The following PCDHGB4 variants were observed in gnomAD, a reference collection of about 807,000 sequenced individuals.
PCDHGB4 encodes protocadherin gamma-B4.
Under a neutral mutation model 60.5 loss-of-function variants are expected in PCDHGB4, and 38 were observed. The observed-to-expected ratio is 0.63, with a 90% CI of 0.48 to 0.82. PCDHGB4 has a LOEUF of 0.82. PCDHGB4 is among the 40% of genes least tolerant of loss of function. PCDHGB4 has a pLI of 0.00. For missense variants in PCDHGB4, 1,109 were observed against 1,209.6 expected (o/e 0.92, Z 1.23); for synonymous variants, 456 against 509.7 (o/e 0.89, Z 1.42).
rs947567666 is a variant in PCDHGB4, at chr5:141,422,270, T to C, written c.2397+31989T>C. ...GATGTGAATGATAACGCTCCAGAAA[T>C]AACTATCACCTCTTCTATTAATTCA... On this transcript the variant is annotated intron_variant, in intron 1 of 3. Transcript: ENST00000519479. 2.6e-6 allele frequency: 4 copies of C among 1,562,452 alleles called. No homozygotes were observed. The East Asian group carries it at 9.0e-5, about 35-fold the overall frequency.
chr5:141,432,172 C>T lies in PCDHGB4; in HGVS notation c.2397+41891C>T, dbSNP rs562175068. ...AGAACAATCCCAGAGGAGTTTCCCT[C>T]GTCTCTGTGACCGCCCACGACCCCG... On this transcript the variant is annotated intron_variant, in intron 1 of 3. Coordinates refer to ENST00000519479, the MANE Select transcript of PCDHGB4 (RefSeq NM_003736.4). This position sits in a 1 kb window ranked among gnomAD's most constrained non-coding sequence, Gnocchi z 6.0. 22 of 1,614,152 alleles carry T rather than the reference C, an allele frequency of 1.4e-5. No individual in the cohort carries two copies. In the Admixed American group the frequency reaches 3.5e-4, roughly 26 times the overall value.
At chr5:141,410,189 G>A in intron 1 of PCDHGB4, 1 of 1,613,992 alleles carries the variant, frequency 6.2e-7, no homozygotes, top group Non-Finnish European at 8.5e-7. Context: ...GCTTCATCTG[G>A]TCTTCGCAGA....
chr5:141,433,837 C>CAAA lies in PCDHGB4; in HGVS notation c.2397+43572_2397+43574dup, dbSNP rs56191208. The stretch of plus-strand genomic sequence containing the variant: ...GGGCAACAAGAGTGAAACTCTATCT[C>CAAA]AAAAAAAAAAAAAAAAAACTTTATC... On this transcript the variant is annotated intron_variant, in intron 1 of 3. Transcript: ENST00000519479. 4.3e-3 allele frequency among the ~76,000 whole-genome samples: 475 copies of CAAA among 111,672 alleles called. 6 individuals carry two copies. The highest frequency in any genetic ancestry group is 0.013 in the African/African-American group (431 of 32,292). The allele number at this position is 111,672 out of a possible 152,430, so 73.3% of individuals were successfully genotyped here.
intron 2 of PCDHGB4, among the ~76,000 whole-genome samples, chr5:141,496,467 TC>T (rs1289225541): frequency 1.3e-5 from 2 of 152,176 alleles, no homozygotes; most frequent in Admixed American, 1.3e-4. Flanking sequence ...GAGTTATCTT[TC>T]CCCCATCCTG....
chr5:141,428,224 G>T, intron 1 of PCDHGB4: 1 of 1,164,316 alleles, frequency 8.6e-7, no homozygotes, highest in Non-Finnish European at 1.3e-6. Context: ...AGTCTTCGCA[G>T]ACAGCCTGCA....
chr5:141,466,674 T>C (rs2099127051), intron 1 of PCDHGB4, among the ~76,000 whole-genome samples: 1 of 152,222 alleles, frequency 6.6e-6, no homozygotes, highest in South Asian at 2.1e-4. Flanking sequence ...TTCACCGTTC[T>C]TCCACTCAAG....
At chr5:141,421,678 G>T in intron 1 of PCDHGB4, 3 of 1,613,892 alleles carry the variant, frequency 1.9e-6, no homozygotes, top group Non-Finnish European at 2.5e-6. Context: ...AATTCCTGGG[G>T]CGCGATTTGC....
At position 141,511,127 on chromosome 5, in the gene PCDHGB4, G is replaced by C; in HGVS notation, c.2726G>C (p.Gly909Ala). 1 of 1,614,194 alleles carries C rather than the reference G, an allele frequency of 6.2e-7. No individual in the cohort carries two copies. Among genetic ancestry groups the C allele is most frequent in the Non-Finnish European group, 8.5e-7 (1 of 1,180,018 alleles). The change falls in exon 4 of 4, where the codon GGT becomes GCT. Residue 909 changes from glycine to alanine, a missense_variant. Coordinates refer to ENST00000519479, the MANE Select transcript of PCDHGB4 (RefSeq NM_003736.4). ...AGKRDGKAPA[G>A]GNGNKKKSGK... ...AAGCGGGATGGCAAGGCCCCAGCAG[G>C]TGGCAATGGCAACAAGAAGAAGTCG...
intron 1 of PCDHGB4, among the ~76,000 whole-genome samples, chr5:141,494,447 G>C (rs1413012155): frequency 6.6e-6 from 1 of 152,118 alleles, no homozygotes. Context: ...GCCACTTTAG[G>C]GGGCTTTGTC....
chr5:141,409,047 G>A, intron 1 of PCDHGB4: 1 of 1,613,982 alleles, frequency 6.2e-7, no homozygotes, highest in Non-Finnish European at 8.5e-7. Context: ...TACTACTTCC[G>A]AAGCACTGCC....
In PCDHGB4 at chr5:141,389,603, C is replaced by A; in HGVS notation, c.1719C>A (p.Phe573Leu). ...PALGPDGSAL[F>L]DMVPHAAEPG... ...TGGGTCCCGACGGCTCTGCGCTCTT[C>A]GATATGGTGCCGCACGCTGCAGAGC... The change falls in exon 1 of 4, where the codon TTC (phenylalanine) becomes TTA (leucine). Residue 573 changes from phenylalanine (F) to leucine (L), a missense_variant. Transcript: ENST00000519479. The A allele has an allele frequency of 6.2e-7, 1 of 1,613,148 alleles. No individual in the cohort carries two copies. The highest frequency in any genetic ancestry group is 8.5e-7 in the Non-Finnish European group (1 of 1,179,802).
chr5:141,403,713 A>C (rs2094445702), intron 1 of PCDHGB4: 3 of 1,613,946 alleles, frequency 1.9e-6, no homozygotes, highest in Non-Finnish European at 2.5e-6. Flanking sequence ...GTCCTTGAGA[A>C]CGTGCCCCCA....
intron 2 of PCDHGB4, among the ~76,000 whole-genome samples, chr5:141,504,354 G>C (rs1349256606): frequency 6.6e-6 from 1 of 152,100 alleles, no homozygotes; most frequent in Non-Finnish European, 1.5e-5. Flanking sequence ...TGTGCTAGGT[G>C]CTTCAGTAGG....
At chr5:141,502,978 G>T (rs1004984942) in intron 2 of PCDHGB4, among the ~76,000 whole-genome samples, 1 of 150,096 alleles carries the variant, frequency 6.7e-6, no homozygotes, top group Non-Finnish European at 1.5e-5. Context: ...CAAGTAGCTG[G>T]GATTACAGGC....
chr5:141,486,598 C>T lies in PCDHGB4; in HGVS notation c.2398-8209C>T. 2 of 1,613,604 alleles carry T rather than the reference C, an allele frequency of 1.2e-6. No homozygotes were observed. Among genetic ancestry groups the T allele is most frequent in the Non-Finnish European group, 1.7e-6 (2 of 1,179,998 alleles). ...ACAATCGCCCAGGGGACCTGCTTTG[C>T]TCCCTTGCAGCCTCTGACCCAGACT... On this transcript the variant is annotated intron_variant, in intron 1 of 3. Transcript: ENST00000519479. The surrounding 1 kb of genome is among the most constrained non-coding windows in gnomAD (Gnocchi z 5.0).
intron 1 of PCDHGB4, chr5:141,421,468 C>G: frequency 1.2e-6 from 2 of 1,614,096 alleles, no homozygotes; most frequent in Non-Finnish European, 1.7e-6. Flanking sequence ...TGTGAATCCG[C>G]GAAGCGGCAG....
intron 1 of PCDHGB4, chr5:141,423,907 G>C: frequency 7.9e-7 from 1 of 1,271,360 alleles, no homozygotes. Context: ...TTTCAAAGGG[G>C]CCATTCAACT....
chr5:141,472,486 G>A (rs1300618918), intron 1 of PCDHGB4, among the ~76,000 whole-genome samples: 1 of 152,050 alleles, frequency 6.6e-6, no homozygotes, highest in Non-Finnish European at 1.5e-5. Flanking sequence ...CTTGCAGTGA[G>A]ACGAGATCGT....
Position 141,420,141 on chromosome 5 carries a change from T to C in PCDHGB4, c.2397+29860T>C, listed in dbSNP as rs556066866. 9.9e-6 allele frequency: 16 copies of C among 1,614,040 alleles called. No homozygotes were observed. The East Asian group carries it at 3.3e-4, about 34-fold the overall frequency. On this transcript the variant is annotated intron_variant, in intron 1 of 3. Coordinates refer to ENST00000519479, the MANE Select transcript of PCDHGB4 (RefSeq NM_003736.4). ...AATTTTTGTGTGCCTGGGGATCAAA[T>C]GAATCCAGAATTTAATTTTTTCACA... is the stretch of plus-strand genomic sequence containing the variant.
Sources: gnomAD v4.1 joint callset for allele counts (sites outside exome capture counted in the v4.1 genomes callset) on GRCh38, gnomAD v4.1.1 for gene constraint, Gnocchi (gnomAD v3.1) non-coding constraint, MANE v1.5 for transcripts, NCBI Gene and HGNC (gene_info 2026-07-23, HGNC 2026-07-21) for gene names.